Variants in CHPT1 observed in about 807,000 individuals in gnomAD.
The protein encoded by CHPT1 is cholinephosphotransferase 1.
Under a neutral mutation model 47.6 loss-of-function variants are expected in CHPT1, and 36 were observed. The observed-to-expected ratio is 0.76, with a 90% CI of 0.58 to 1.00. The LOEUF (loss-of-function observed/expected upper bound fraction) is 1.00, where lower values mean the gene tolerates loss of function less well. CHPT1 is among the 50% of genes least tolerant of loss of function. CHPT1 has a pLI of 0.00. For synonymous variants in CHPT1, 194 were observed against 186.3 expected (o/e 1.04, Z -0.33); for missense variants, 458 against 498.1 (o/e 0.92, Z 0.77).
chr12:101,713,784 A>T (rs1241840084), intron 1 of CHPT1, among the ~76,000 whole-genome samples: 1 of 152,126 alleles, frequency 6.6e-6, no homozygotes, highest in Non-Finnish European at 1.5e-5. Flanking sequence ...AGTAATTTCA[A>T]ATCTGTGGCA....
At chr12:101,725,899 A>G (rs1311197321) in intron 7 of CHPT1, among the ~76,000 whole-genome samples, 1 of 152,176 alleles carries the variant, frequency 6.6e-6, no homozygotes, top group African/African-American at 2.4e-5. Flanking sequence ...CCTTCTTACA[A>G]CTAACCTCAA....
chr12:101,726,693 T>C (rs904642522), intron 8 of CHPT1: 5 of 398,894 alleles, frequency 1.3e-5, no homozygotes, highest in Admixed American at 4.1e-5. Flanking sequence ...ACCCCTGTAA[T>C]TCTAAGTAGC....
At position 101,697,980 on chromosome 12, in the gene CHPT1, C is replaced by T. The variant is rs200222128; in HGVS notation, c.119C>T (p.Ser40Leu). 2 of 1,517,864 alleles carry T rather than the reference C, an allele frequency of 1.3e-6. No individual in the cohort carries two copies. Among genetic ancestry groups the T allele is most frequent in the South Asian group, 1.2e-5 (1 of 81,170 alleles). 94.0% of individuals were successfully genotyped at this position (1,517,864 alleles called of 1,614,324 possible). Reference protein sequence around the residue: ...EEHRYSAAGVSLLEPPLQLYW... With the variant: ...EEHRYSAAGVLLLEPPLQLYW... The stretch of plus-strand genomic sequence containing the variant: ...CACCGCTACAGCGCGGCGGGCGTCT[C>T]GCTGCTCGAGCCGCCGCTGCAGCTC... Residue 40 changes from serine to leucine, a missense_variant, in exon 1 of 9, where the codon TCG (serine) becomes TTG (leucine). By Grantham distance (145) the Ser-to-Leu change is moderately radical (BLOSUM62 -2). Transcript: ENST00000229266.
At chr12:101,703,531 C>G (rs1951584587) in intron 1 of CHPT1, among the ~76,000 whole-genome samples, 1 of 152,214 alleles carries the variant, frequency 6.6e-6, no homozygotes, top group African/African-American at 2.4e-5. Context: ...GTGCTCTTCT[C>G]AAATGCTGGT....
At chr12:101,713,824 T>C (rs1311031425) in intron 1 of CHPT1, among the ~76,000 whole-genome samples, 4 of 152,184 alleles carry the variant, frequency 2.6e-5, no homozygotes, top group African/African-American at 7.2e-5. Flanking sequence ...AAAAGAGCCA[T>C]GGATGTAAGA....
At position 101,720,213 on chromosome 12, in the gene CHPT1, A is replaced by C; in HGVS notation, c.739A>C (p.Ile247Leu). ...TTCCTGTTCAAATTATTTCCATGTT[A>C]TCCTCCATGGTGGTGTTGGCAAGAA... The part of the protein sequence containing the change: ...IFSCSNYFHV[I>L]LHGGVGKNGS... The change falls in exon 5 of 9, where the codon ATC (isoleucine) becomes CTC (leucine). Residue 247 changes from isoleucine (I) to leucine (L), a missense_variant. Coordinates refer to ENST00000229266, the MANE Select transcript of CHPT1 (RefSeq NM_020244.3). 1 of 1,604,318 alleles carries C rather than the reference A, an allele frequency of 6.2e-7. No homozygotes were observed. Among genetic ancestry groups the C allele is most frequent in the Non-Finnish European group, 8.5e-7 (1 of 1,174,904 alleles).
chr12:101,716,903 C>A, intron 4 of CHPT1, 91 bp downstream of exon 4: 4 of 746,200 alleles, frequency 5.4e-6, no homozygotes, highest in Non-Finnish European at 6.0e-6. Flanking sequence ...AAATCCTTGG[C>A]ATTGTATTTA....
At chr12:101,720,944 T>C (rs867537367) in intron 5 of CHPT1, among the ~76,000 whole-genome samples, 54 of 152,318 alleles carry the variant, frequency 3.5e-4, no homozygotes, top group African/African-American at 1.2e-3. Context: ...AGAAGACAAG[T>C]ACTTATTCCA....
At chr12:101,711,387 G>A (rs1056757843) in intron 1 of CHPT1, among the ~76,000 whole-genome samples, 1 of 148,414 alleles carries the variant, frequency 6.7e-6, no homozygotes, top group Non-Finnish European at 1.5e-5. Flanking sequence ...CAACATGGAT[G>A]AGCCTGGGAG....
At chr12:101,698,426 G>A (rs1437075960) in intron 1 of CHPT1, among the ~76,000 whole-genome samples, 1 of 152,210 alleles carries the variant, frequency 6.6e-6, no homozygotes, top group Non-Finnish European at 1.5e-5. Flanking sequence ...ACGGGCCGGA[G>A]GGCGCCTGCC....
intron 1 of CHPT1, among the ~76,000 whole-genome samples, chr12:101,707,963 A>T (rs1243608386): frequency 6.6e-6 from 1 of 152,204 alleles, no homozygotes; most frequent in African/African-American, 2.4e-5. Context: ...ATTTTGTCAG[A>T]GGTGCAGTTC....
At chr12:101,707,671 A>G (rs182501694) in intron 1 of CHPT1, among the ~76,000 whole-genome samples, 1 of 152,316 alleles carries the variant, frequency 6.6e-6, no homozygotes, top group East Asian at 1.9e-4. Context: ...AAAATGAAAT[A>G]TTTAAGGTGA....
At chr12:101,716,640 C>G (rs990172543) in intron 3 of CHPT1, 88 bp from the exon 4 acceptor site, 1 of 732,548 alleles carries the variant, frequency 1.4e-6, no homozygotes, top group Non-Finnish European at 2.2e-6. Context: ...GAGATTTTTA[C>G]ATCTTTGCTA....
intron 1 of CHPT1, among the ~76,000 whole-genome samples, chr12:101,713,349 G>A (rs895740004): frequency 1.2e-4 from 19 of 152,162 alleles, no homozygotes; most frequent in Admixed American, 6.5e-4. Context: ...ATACCCTTCC[G>A]TAAGACGTCC....
Position 101,723,731 on chromosome 12 carries a change from A to T in CHPT1, c.949A>T (p.Met317Leu), listed in dbSNP as rs751634924. The change falls in exon 7 of 9, where the codon ATG becomes TTG. Residue 317 changes from methionine (M) to leucine (L), a missense_variant. Physicochemically the swap from Met to Leu is conservative, Grantham distance 15. Transcript: ENST00000229266. Reference protein sequence around the residue: ...KVSQKLVVAHMTKSELYLQDT... With the variant: ...KVSQKLVVAHLTKSELYLQDT... ...TTTAATTTTTTTATAGGTAGCTCAC[A>T]TGACCAAAAGTGAACTATATCTTCA... 6.4e-7 allele frequency: 1 copy of T among 1,555,630 alleles called. No homozygotes were observed. Among genetic ancestry groups the T allele is most frequent in the Non-Finnish European group, 8.7e-7 (1 of 1,150,376 alleles).
At chr12:101,724,691 C>T (rs894820599) in intron 7 of CHPT1, among the ~76,000 whole-genome samples, 2 of 152,128 alleles carry the variant, frequency 1.3e-5, no homozygotes, top group East Asian at 3.8e-4. Flanking sequence ...AATGATGACT[C>T]AGTCATCAAT....
chr12:101,707,035 A>G (rs1046119875), intron 1 of CHPT1, among the ~76,000 whole-genome samples: 1 of 152,210 alleles, frequency 6.6e-6, no homozygotes, highest in African/African-American at 2.4e-5. Flanking sequence ...ATTTGCAAAG[A>G]CTGCTTTAAC....
chr12:101,720,866 CT>C (rs1753119534), intron 5 of CHPT1, among the ~76,000 whole-genome samples: 1 of 152,116 alleles, frequency 6.6e-6, no homozygotes, highest in African/African-American at 2.4e-5. Context: ...TTCCTGCAAA[CT>C]TTTTAAACAA....
chr12:101,705,201 T>C (rs1951613894), intron 1 of CHPT1, among the ~76,000 whole-genome samples: 1 of 135,494 alleles, frequency 7.4e-6, no homozygotes, highest in African/African-American at 3.4e-5. Context: ...GCAGCTGGGA[T>C]TACAGGTGTG....
Sources: allele counts gnomAD v4.1 joint callset (sites outside exome capture counted in the v4.1 genomes callset), GRCh38; gene constraint gnomAD v4.1.1; transcripts MANE v1.5; gene names NCBI Gene and HGNC (gene_info 2026-07-23, HGNC 2026-07-21).